The following CCDC73 variants were observed in gnomAD, a reference collection of about 807,000 sequenced individuals.
CCDC73 encodes coiled-coil domain containing 73.
In CCDC73, 95 loss-of-function variants were observed where a neutral mutation model predicts 116.5. That is an observed-to-expected ratio of 0.82 (90% confidence interval 0.69 to 0.97). The LOEUF is 0.97. CCDC73 is among the 50% of genes least tolerant of loss of function. The pLI, the probability that CCDC73 is intolerant of heterozygous loss-of-function variation, is 0.00. For synonymous variants in CCDC73, 398 were observed against 401.3 expected (o/e 0.99, Z 0.10); for missense variants, 1,066 against 1,206.8 (o/e 0.88, Z 1.73).
chr11:32,748,088 A>G (rs1850256576), intron 2 of CCDC73, among the ~76,000 whole-genome samples: 1 of 152,100 alleles, frequency 6.6e-6, no homozygotes, highest in Non-Finnish European at 1.5e-5. Context: ...GAAGCGACCC[A>G]TCCTACATGT....
In CCDC73 at chr11:32,662,418, C is replaced by T. The variant is rs374042287; in HGVS notation, c.646-7446G>A. Among the ~76,000 whole-genome samples, 222 of 152,282 alleles carry T rather than the reference C, an allele frequency of 1.5e-3. 9 individuals are homozygous for T. The East Asian group carries it at 0.041, about 28-fold the overall frequency. On this transcript the variant is annotated intron_variant, in intron 9 of 17. Transcript: ENST00000335185. ...GGTATCTCATTGTGGTTTTGATTTGCATTTCTCTGATGGCCAGTGATGATG... is the reference window on the plus strand; with the variant it reads ...GGTATCTCATTGTGGTTTTGATTTGTATTTCTCTGATGGCCAGTGATGATG...
intron 14 of CCDC73, among the ~76,000 whole-genome samples, chr11:32,623,403 C>G (rs545812047): frequency 1.2e-4 from 19 of 152,282 alleles, no homozygotes; most frequent in African/African-American, 4.3e-4. Context: ...GTCCTCCAGA[C>G]TGGAGTGCAT....
chr11:32,630,210 A>ATC (rs201180835), intron 14 of CCDC73, among the ~76,000 whole-genome samples: 5,366 of 152,340 alleles, frequency 0.035, 299 homozygotes, highest in African/African-American at 0.12. Flanking sequence ...AGTTTCTTAT[A>ATC]AACTTTGGTA....
chr11:32,610,621 T>G (rs1855411945), intron 17 of CCDC73, among the ~76,000 whole-genome samples: 1 of 152,204 alleles, frequency 6.6e-6, no homozygotes, highest in African/African-American at 2.4e-5. Context: ...AATAGACTCC[T>G]GGAAGCCATA....
chr11:32,728,409 G>A (rs545738907), intron 2 of CCDC73, among the ~76,000 whole-genome samples: 1 of 151,980 alleles, frequency 6.6e-6, no homozygotes, highest in East Asian at 1.9e-4. Context: ...GCTGTCTTAT[G>A]TATCCTTTTG....
intron 13 of CCDC73, among the ~76,000 whole-genome samples, chr11:32,637,336 A>G (rs12365339): frequency 0.1 from 15,447 of 152,032 alleles, 1,053 homozygotes; most frequent in Non-Finnish European, 0.15. Context: ...CTTAAAGTCT[A>G]TACTTGCTAC....
At chr11:32,754,398 A>T (rs916504482) in intron 2 of CCDC73, among the ~76,000 whole-genome samples, 2 of 152,350 alleles carry the variant, frequency 1.3e-5, no homozygotes, top group Admixed American at 6.5e-5. Context: ...AAGAGAGTTA[A>T]GAGTCAGAAA....
At chr11:32,716,706 C>T (rs1211406042) in intron 3 of CCDC73, among the ~76,000 whole-genome samples, 1 of 152,140 alleles carries the variant, frequency 6.6e-6, no homozygotes, top group African/African-American at 2.4e-5. Context: ...GGACTACAGG[C>T]ACACACCACC....
chr11:32,607,756 G>A (rs926216137), intron 17 of CCDC73, among the ~76,000 whole-genome samples: 4 of 152,246 alleles, frequency 2.6e-5, no homozygotes, highest in Middle Eastern at 6.8e-3. Context: ...TTAGGAAAGA[G>A]TGAAAAGGGT....
intron 3 of CCDC73, 41 bp from the exon 4 acceptor site, chr11:32,702,985 C>A: frequency 7.8e-7 from 1 of 1,282,828 alleles, no homozygotes; most frequent in Non-Finnish European, 1.1e-6. Context: ...CAAATTCTAG[C>A]AACTCTCTTT....
chr11:32,670,054 T>C (rs1378445900), intron 9 of CCDC73, among the ~76,000 whole-genome samples: 3 of 152,226 alleles, frequency 2.0e-5, no homozygotes, highest in Admixed American at 6.5e-5. Context: ...AATGTACACC[T>C]TTCTTTACAC....
the CCDC73 span, among the ~76,000 whole-genome samples, chr11:32,805,323 A>G: frequency 1.3e-5 from 2 of 152,228 alleles, no homozygotes; most frequent in African/African-American, 4.8e-5. Context: ...AACAAGTTAT[A>G]CCATTTATGC....
At chr11:32,827,425 T>C in the CCDC73 span, among the ~76,000 whole-genome samples, 1 of 152,176 alleles carries the variant, frequency 6.6e-6, no homozygotes, top group African/African-American at 2.4e-5. Flanking sequence ...ACAGACTTCA[T>C]TTCTCTGTCT....
In CCDC73 at chr11:32,635,778, A is replaced by G. The variant is rs760103255; in HGVS notation, c.1103T>C (p.Leu368Pro). The change falls in exon 14 of 18, where the codon CTT (leucine) becomes CCT (proline). Residue 368 changes from leucine to proline, a missense_variant. Physicochemically the swap from Leu to Pro is moderately conservative, Grantham distance 98. Transcript: ENST00000335185. The stretch of plus-strand genomic sequence containing the variant: ...TTGTAACTTAATATGAGTTTCTTTA[A>G]GGGATGATAATTCATTTTTAATCTT... ...INKIKNELSS[L>P]KETHIKLQEH... 1 of 1,257,906 alleles carries G rather than the reference A, an allele frequency of 7.9e-7. No individual in the cohort carries two copies. Among genetic ancestry groups the G allele is most frequent in the Non-Finnish European group, 1.0e-6 (1 of 973,828 alleles). The allele number at this position is 1,257,906 out of a possible 1,614,324, so 77.9% of individuals were successfully genotyped here. A position where few individuals can be genotyped will look rare whatever the true frequency, so the allele number is the denominator to read the frequency against.
At chr11:32,776,761 G>A (rs968223706) in intron 1 of CCDC73, among the ~76,000 whole-genome samples, 12 of 151,172 alleles carry the variant, frequency 7.9e-5, no homozygotes, top group Non-Finnish European at 1.5e-4. Context: ...GGCAAGAACT[G>A]TTTTACTCTT....
At chr11:32,721,199 A>G (rs1849986660) in intron 2 of CCDC73, among the ~76,000 whole-genome samples, 1 of 151,854 alleles carries the variant, frequency 6.6e-6, no homozygotes, top group Non-Finnish European at 1.5e-5. Context: ...TAATTTTTAT[A>G]TTTTTAGTAG....
upstream of CCDC73, among the ~76,000 whole-genome samples, chr11:32,799,030 C>G (rs1460001874): frequency 6.6e-6 from 1 of 151,804 alleles, no homozygotes; most frequent in Non-Finnish European, 1.5e-5. Context: ...CCTCCTCAGC[C>G]CCACAAGTAG....
chr11:32,793,338 G>T (rs1291481021), intron 1 of CCDC73, among the ~76,000 whole-genome samples: 3 of 152,206 alleles, frequency 2.0e-5, no homozygotes, highest in Non-Finnish European at 4.4e-5. Flanking sequence ...CGTATTTGCT[G>T]ATTCTCAGGT....
upstream of CCDC73, among the ~76,000 whole-genome samples, chr11:32,797,435 T>G (rs1850734857): frequency 6.6e-6 from 1 of 152,336 alleles, no homozygotes; most frequent in African/African-American, 2.4e-5. Flanking sequence ...TCTACCTGGA[T>G]GCTCTTTACT....
Sources: gnomAD v4.1 joint callset for allele counts (sites outside exome capture counted in the v4.1 genomes callset) on GRCh38, gnomAD v4.1.1 for gene constraint, MANE v1.5 for transcripts, NCBI Gene and HGNC (gene_info 2026-07-23, HGNC 2026-07-21) for gene names.